The following ARL15 variants were observed in gnomAD, a reference collection of about 807,000 sequenced individuals.
The protein encoded by ARL15 is ADP-ribosylation factor-like protein 15.
A neutral mutation model predicts 25.2 loss-of-function variants in ARL15; 19 were observed. The ratio of observed to expected loss-of-function variants is 0.75; its 90% CI spans 0.53 to 1.10. ARL15 has a LOEUF of 1.10. ARL15 is among the 50% of genes least tolerant of loss of function. The pLI is 0.00. For synonymous variants in ARL15, 94 were observed against 86.8 expected (o/e 1.08, Z -0.46); for missense variants, 220 against 246.0 (o/e 0.89, Z 0.71).
In ARL15 at chr5:53,889,722, T is replaced by C. The variant is rs146078465; in HGVS notation, c.463-3009A>G. Among the ~76,000 whole-genome samples the C allele has an allele frequency of 1.8e-4, 27 of 152,292 alleles. No homozygotes were observed. The East Asian group carries it at 4.6e-3, about 26-fold the overall frequency. On this transcript the variant is annotated intron_variant, in intron 4 of 4. Coordinates refer to ENST00000504924, the MANE Select transcript of ARL15 (RefSeq NM_019087.3). ...GACTGCTGCTGGAACATTTATTAGC[T>C]TTTCATTACTTGGAATTTCATGTTT...
intron 1 of ARL15, among the ~76,000 whole-genome samples, chr5:54,175,658 CTT>C (rs1371769602): frequency 5.6e-5 from 8 of 142,088 alleles, no homozygotes; most frequent in South Asian, 2.3e-4. Flanking sequence ...CTTTTTCTCT[CTT>C]TTTTTTTTTT....
chr5:54,109,790 C>T (rs1215885479), intron 4 of ARL15, among the ~76,000 whole-genome samples: 7 of 151,892 alleles, frequency 4.6e-5, no homozygotes, highest in African/African-American at 1.7e-4. Context: ...TTCTCGAATG[C>T]TTTCTATAGA....
At chr5:54,212,529 T>A (rs1756072900) in intron 1 of ARL15, among the ~76,000 whole-genome samples, 1 of 151,270 alleles carries the variant, frequency 6.6e-6, no homozygotes, top group Non-Finnish European at 1.5e-5. Context: ...AACACAGGAG[T>A]CTAAGTGGCT....
chr5:54,288,724 C>T (rs17441397), intron 1 of ARL15, among the ~76,000 whole-genome samples: 58,471 of 152,052 alleles, frequency 0.38, 14,104 homozygotes, highest in Non-Finnish European at 0.53. Flanking sequence ...AAGAAAAACA[C>T]GCAGATGCAG....
intron 4 of ARL15, among the ~76,000 whole-genome samples, chr5:53,899,724 A>C (rs76596752): frequency 0.022 from 3,280 of 152,260 alleles, 122 homozygotes; most frequent in African/African-American, 0.074. Flanking sequence ...CCTCTTATAC[A>C]TGTTAAAAAT....
At chr5:53,996,107 G>C (rs989769427) in intron 4 of ARL15, among the ~76,000 whole-genome samples, 1 of 152,168 alleles carries the variant, frequency 6.6e-6, no homozygotes, top group Non-Finnish European at 1.5e-5. Flanking sequence ...CAGATGTTCA[G>C]GAGAATGTTC....
At chr5:53,948,583 C>T (rs555272513) in intron 4 of ARL15, among the ~76,000 whole-genome samples, 4 of 152,070 alleles carry the variant, frequency 2.6e-5, no homozygotes, top group Admixed American at 2.0e-4. Flanking sequence ...GCTGTTGGAG[C>T]CTTTATCTAA....
chr5:53,994,755 T>A (rs1020676371), intron 4 of ARL15, among the ~76,000 whole-genome samples: 4 of 152,198 alleles, frequency 2.6e-5, no homozygotes, highest in South Asian at 4.1e-4. Flanking sequence ...AAAATTTTTT[T>A]TAAATTATTT....
At chr5:54,266,749 A>T (rs559571516) in intron 1 of ARL15, among the ~76,000 whole-genome samples, 1 of 152,366 alleles carries the variant, frequency 6.6e-6, no homozygotes, top group East Asian at 1.9e-4. Context: ...TCAAGACATC[A>T]GGAAAATGGT....
intron 1 of ARL15, among the ~76,000 whole-genome samples, chr5:54,281,897 T>G (rs1382739173): frequency 4.6e-5 from 7 of 152,242 alleles, no homozygotes; most frequent in Admixed American, 3.3e-4. Context: ...CACAATCATT[T>G]TTTCATATAT....
chr5:54,124,096 GGATA>G (rs1391145489), intron 3 of ARL15, among the ~76,000 whole-genome samples: 3 of 152,170 alleles, frequency 2.0e-5, no homozygotes, highest in Non-Finnish European at 4.4e-5. Flanking sequence ...ATTTAGATTA[GGATA>G]GTTAAAGACT....
chr5:53,999,365 G>T (rs1345183545), intron 4 of ARL15, among the ~76,000 whole-genome samples: 1 of 152,034 alleles, frequency 6.6e-6, no homozygotes, highest in Non-Finnish European at 1.5e-5. Flanking sequence ...GAGGCAGGTG[G>T]ATCACCTGAG....
intron 4 of ARL15, among the ~76,000 whole-genome samples, chr5:54,055,352 CTTTTTTTTTTTTT>C (rs147040538): frequency 1.6e-4 from 9 of 55,332 alleles, no homozygotes; most frequent in South Asian, 8.1e-4. Context: ...ATCATCATTC[CTTTTTTTTTTTTT>C]TTTTTTTTTT....
chr5:54,178,607 G>A (rs1465682087), intron 1 of ARL15, among the ~76,000 whole-genome samples: 1 of 152,150 alleles, frequency 6.6e-6, no homozygotes, highest in Admixed American at 6.5e-5. Flanking sequence ...TTACATAGTT[G>A]GCTTCCAAAC....
At chr5:53,938,471 T>G (rs1439713590) in intron 4 of ARL15, among the ~76,000 whole-genome samples, 1 of 152,242 alleles carries the variant, frequency 6.6e-6, no homozygotes, top group Non-Finnish European at 1.5e-5. Flanking sequence ...TTTCAGTATT[T>G]TGCATACATC....
At chr5:53,920,520 CTGCCAG>C (rs1745815740) in intron 4 of ARL15, among the ~76,000 whole-genome samples, 1 of 151,862 alleles carries the variant, frequency 6.6e-6, no homozygotes, top group Non-Finnish European at 1.5e-5. Flanking sequence ...TAAAAAGTAT[CTGCCAG>C]CAGGTGCAGT....
chr5:54,194,940 G>A (rs982043086), intron 1 of ARL15, among the ~76,000 whole-genome samples: 23 of 152,142 alleles, frequency 1.5e-4, no homozygotes, highest in African/African-American at 5.1e-4. Flanking sequence ...TGCGTAGTGA[G>A]GTATGCCACA....
chr5:54,130,817 G>A (rs560986685), intron 3 of ARL15, among the ~76,000 whole-genome samples: 15 of 152,226 alleles, frequency 9.9e-5, no homozygotes, highest in Admixed American at 3.9e-4. Flanking sequence ...TAAAAGCCAT[G>A]GTTTGAAGGA....
chr5:54,236,109 T>C (rs1047826301), intron 1 of ARL15, among the ~76,000 whole-genome samples: 1 of 152,194 alleles, frequency 6.6e-6, no homozygotes, highest in African/African-American at 2.4e-5. Flanking sequence ...CCTCTGATGA[T>C]AATGCAAGCT....
Sources: gnomAD v4.1 joint callset for allele counts (sites outside exome capture counted in the v4.1 genomes callset) on GRCh38, gnomAD v4.1.1 for gene constraint, MANE v1.5 for transcripts, NCBI Gene and HGNC (gene_info 2026-07-23, HGNC 2026-07-21) for gene names.